Variants in ZNF398 observed in about 807,000 individuals in gnomAD.
ZNF398 encodes the protein zinc finger DNA binding protein ZER6.
A neutral mutation model predicts 41.9 loss-of-function variants in ZNF398; 18 were observed. That is an observed-to-expected ratio of 0.43 (90% CI 0.30 to 0.64). ZNF398 has a LOEUF of 0.64. Ranked by LOEUF, ZNF398 falls within the 30% of genes least tolerant of loss-of-function variation. The pLI, the probability that ZNF398 is intolerant of heterozygous loss-of-function variation, is 0.14. For missense variants in ZNF398, 669 were observed against 822.8 expected, an observed-to-expected ratio of 0.81 and a Z score of 2.29; for synonymous variants, 260 against 308.8, an observed-to-expected ratio of 0.84 and a Z score of 1.66.
At chr7:149,165,739 C>G in intron 2 of ZNF398, among the ~76,000 whole-genome samples, 1 of 152,114 alleles carries the variant, frequency 6.6e-6, no homozygotes. Context: ...TGGCAAAAGA[C>G]TAGAGGAACT....
At chr7:149,164,525 A>G (rs1038558475) in intron 2 of ZNF398, among the ~76,000 whole-genome samples, 1 of 152,222 alleles carries the variant, frequency 6.6e-6, no homozygotes, top group Non-Finnish European at 1.5e-5. Context: ...AGGCAGCAAG[A>G]GTGAGCTAGA....
At chr7:149,157,763 G>A (rs1185092504) in intron 2 of ZNF398, among the ~76,000 whole-genome samples, 4 of 151,540 alleles carry the variant, frequency 2.6e-5, no homozygotes, top group South Asian at 2.1e-4. Flanking sequence ...GCTTGAACTC[G>A]GGAGGCGGAG....
chr7:149,166,884 C>A lies in ZNF398; in HGVS notation c.615C>A (p.Asp205Glu), dbSNP rs777143208. 2.5e-6 allele frequency: 4 copies of A among 1,613,068 alleles called. No individual in the cohort carries two copies. In the South Asian group the frequency reaches 4.4e-5, roughly 18 times the overall value. ...IQPEGEHNTE[D>E]QAGPEESEIP... ...CAGAAGGGGAACATAATACAGAGGA[C>A]CAGGCAGGGCCAGAGGAAAGTGAGA... The change falls in exon 4 of 6, where the codon GAC becomes GAA. Residue 205 changes from aspartate (D) to glutamate (E), a missense_variant. Coordinates refer to ENST00000475153, the MANE Select transcript of ZNF398 (RefSeq NM_170686.3).
intron 2 of ZNF398, among the ~76,000 whole-genome samples, chr7:149,131,857 G>A (rs185010082): frequency 4.6e-4 from 70 of 152,230 alleles, no homozygotes; most frequent in African/African-American, 1.6e-3. Flanking sequence ...TATCCTAGTG[G>A]AAAATTCTTT....
intron 4 of ZNF398, among the ~76,000 whole-genome samples, chr7:149,175,357 T>A (rs1243922165): frequency 5.3e-5 from 8 of 150,898 alleles, no homozygotes; most frequent in African/African-American, 1.2e-4. Context: ...AAAAAAAAAA[T>A]AATAAAGCCA....
At chr7:149,138,045 C>T (rs990157277) in intron 2 of ZNF398, among the ~76,000 whole-genome samples, 1 of 151,228 alleles carries the variant, frequency 6.6e-6, no homozygotes, top group South Asian at 2.1e-4. Context: ...ACTAAAAATA[C>T]AAAAAATTAG....
At chr7:149,166,955 T>G in intron 4 of ZNF398, 25 bp downstream of exon 4, 2 of 1,529,872 alleles carry the variant, frequency 1.3e-6, no homozygotes, top group Non-Finnish European at 9.0e-7. Flanking sequence ...AGATTCCTAC[T>G]TCTTGTCTCC....
chr7:149,151,542 C>T (rs764325654), intron 1 of ZNF398, among the ~76,000 whole-genome samples: 2 of 152,180 alleles, frequency 1.3e-5, no homozygotes, highest in Non-Finnish European at 2.9e-5. Flanking sequence ...TCCTTTTATA[C>T]TACTCTTTGT....
In ZNF398 at chr7:149,179,701, C is replaced by T. The variant is rs1795550387; in HGVS notation, c.1829C>T (p.Pro610Leu). The stretch of plus-strand genomic sequence containing the variant: ...GGTCAGCCACCCAACCCACCAGGTC[C>T]CCTCATAACTGGGCTTGAAACTTCT... ...PSGQPPNPPG[P>L]LITGLETSGL... Residue 610 changes from proline to leucine, a missense_variant, in exon 6 of 6, where the codon CCC becomes CTC. Pro to Leu is a moderately conservative substitution (Grantham distance 98, BLOSUM62 -3). Around this residue, in one of 3 missense-constraint regions of ZNF398, gnomAD observed 210 missense variants for 290.4 expected, o/e 0.72. Transcript: ENST00000475153. This position sits in a 1 kb window ranked among gnomAD's most constrained non-coding sequence, Gnocchi z 6.1. 6.2e-7 allele frequency: 1 copy of T among 1,614,166 alleles called. No individual in the cohort carries two copies. Among genetic ancestry groups the T allele is most frequent in the African/African-American group, 1.3e-5 (1 of 75,040 alleles).
At chr7:149,139,957 C>T (rs1287424737) in intron 2 of ZNF398, among the ~76,000 whole-genome samples, 1 of 152,014 alleles carries the variant, frequency 6.6e-6, no homozygotes, top group African/African-American at 2.4e-5. Flanking sequence ...GAGATTGCGC[C>T]ACTGCACTCC....
At chr7:149,178,525 T>G (rs748415737) in intron 5 of ZNF398, 123 bp from the exon 6 acceptor site, 24 of 765,054 alleles carry the variant, frequency 3.1e-5, no homozygotes, top group Non-Finnish European at 4.8e-5. Flanking sequence ...CGGTTATTAT[T>G]GCAGCCTTCT....
chr7:149,157,204 G>T (rs1397019530), intron 2 of ZNF398, among the ~76,000 whole-genome samples: 5 of 152,088 alleles, frequency 3.3e-5, no homozygotes, highest in Non-Finnish European at 7.4e-5. Flanking sequence ...AAATGCCTGT[G>T]ATACTTTCAG....
intron 2 of ZNF398, among the ~76,000 whole-genome samples, chr7:149,140,391 A>ACT (rs149421796): frequency 7.4e-4 from 113 of 152,014 alleles, no homozygotes; most frequent in African/African-American, 2.4e-3. Context: ...TACATAAAAT[A>ACT]CTTTTTTTTT....
At chr7:149,143,542 G>A (rs1022990350), upstream of ZNF398, among the ~76,000 whole-genome samples, 31 of 152,198 alleles carry the variant, frequency 2.0e-4, no homozygotes, top group African/African-American at 5.1e-4. Context: ...GGCAGGGTGC[G>A]GTGGCTCACG....
intron 1 of ZNF398, chr7:149,151,101 G>A: frequency 7.3e-6 from 3 of 409,272 alleles, no homozygotes; most frequent in Non-Finnish European, 1.0e-5. Flanking sequence ...CCACTTTATG[G>A]AATGGGACAA....
chr7:149,142,053 A>G (rs899177790), intron 2 of ZNF398, among the ~76,000 whole-genome samples: 13 of 152,108 alleles, frequency 8.5e-5, no homozygotes, highest in Non-Finnish European at 1.6e-4. Context: ...GGTTCAAGCA[A>G]TCCTCCCACC....
rs1298652138 is a variant in ZNF398 at position 149,171,221 on chromosome 7, ATAC to A, written c.661+4296_661+4298del. Among the ~76,000 whole-genome samples, 11 of 151,402 alleles carry A rather than the reference ATAC, an allele frequency of 7.3e-5. No homozygotes were observed. In the East Asian group the frequency reaches 7.7e-4, roughly 11 times the overall value. Reference sequence around the variant, plus strand: ...TTTATAATACAGTAATATACTTATAATACTACTTTATAATATAGTAATATACTT... The same window carrying A: ...TTTATAATACAGTAATATACTTATAATACTTTATAATATAGTAATATACTT... On this transcript the variant is annotated intron_variant, in intron 4 of 5. Transcript: ENST00000475153.
chr7:149,140,709 G>A (rs115223637), intron 2 of ZNF398, among the ~76,000 whole-genome samples: 115 of 151,640 alleles, frequency 7.6e-4, no homozygotes, highest in African/African-American at 2.5e-3. Flanking sequence ...AGAAACGAAT[G>A]TTTAACAATT....
intron 1 of ZNF398, chr7:149,148,331 C>A: frequency 1.8e-6 from 1 of 568,532 alleles, no homozygotes; most frequent in Non-Finnish European, 2.2e-6. Flanking sequence ...GCGGTTCATT[C>A]GCGGGTGTTT....
Sources: allele counts gnomAD v4.1 joint callset (sites outside exome capture counted in the v4.1 genomes callset), GRCh38; gene constraint gnomAD v4.1.1; regional missense constraint gnomAD v4.1.1; non-coding constraint Gnocchi (gnomAD v3.1); transcripts MANE v1.5; gene names NCBI Gene and HGNC (gene_info 2026-07-23, HGNC 2026-07-21).